Variants in SUCO observed in about 807,000 individuals in gnomAD.
SUCO encodes SUN domain-containing ossification factor.
SUCO carries 57 observed loss-of-function variants against 148.1 expected under a neutral mutation model. That is an observed-to-expected ratio of 0.38 (90% CI 0.31 to 0.48). The LOEUF is 0.48. Ranked by LOEUF, SUCO falls within the 20% of genes least tolerant of loss-of-function variation. The probability of loss-of-function intolerance (pLI) is 0.96; values close to 1 mark genes in which losing one functional copy is unlikely to be tolerated. For synonymous variants in SUCO, 470 were observed against 502.7 expected, an observed-to-expected ratio of 0.93 and a Z score of 0.87; for missense variants, 1,331 against 1,468.2, an observed-to-expected ratio of 0.91 and a Z score of 1.53.
At chr1:172,565,065 A>ATCTGTTCTGT (rs60994408) in intron 6 of SUCO, among the ~76,000 whole-genome samples, 2 of 151,932 alleles carry the variant, frequency 1.3e-5, no homozygotes, top group African/African-American at 4.8e-5. Context: ...TTCTGTTCTG[A>ATCTGTTCTGT]TCTGTTCTGT....
rs115183843 is a variant in SUCO, at chr1:172,589,256, G to A, written c.2155G>A (p.Val719Ile). The change falls in exon 18 of 24, where the codon GTT becomes ATT. Residue 719 changes from valine to isoleucine, a missense_variant. Transcript: ENST00000263688. ...CTTGGTGAATCACACTGTAGATGCA[G>A]TTGAACTTGAACCAAGCCATTCTCA... ...DDLVNHTVDA[V>I]ELEPSHSQTL... The A allele has an allele frequency of 6.2e-7, 1 of 1,613,908 alleles. No homozygotes were observed. The highest frequency in any genetic ancestry group is 2.2e-5 in the East Asian group (1 of 44,876).
At chr1:172,585,120 T>C (rs746107521) in intron 16 of SUCO, 34 bp downstream of exon 16, 3 of 1,482,028 alleles carry the variant, frequency 2.0e-6, no homozygotes, top group Non-Finnish European at 2.8e-6. Flanking sequence ...TTTAAATAGC[T>C]GGTACTCCAG....
At chr1:172,541,591 G>A (rs531829543) in intron 1 of SUCO, among the ~76,000 whole-genome samples, 1 of 152,220 alleles carries the variant, frequency 6.6e-6, no homozygotes, top group Non-Finnish European at 1.5e-5. Flanking sequence ...TTTGTGAAAG[G>A]TTGGCAAGCT....
At chr1:172,551,358 G>C (rs527522688) in intron 1 of SUCO, among the ~76,000 whole-genome samples, 154 bp from the exon 2 acceptor site, 1 of 152,070 alleles carries the variant, frequency 6.6e-6, no homozygotes, top group East Asian at 1.9e-4. Flanking sequence ...ATTGATTTTC[G>C]TCATTAAATT....
In SUCO at chr1:172,608,817, C is replaced by G. The variant is rs377609751; in HGVS notation, c.3321+15C>G. On this transcript the variant is annotated intron_variant, in intron 23 of 23. Transcript: ENST00000263688. Reference sequence around the variant, plus strand: ...CAGAAAAGAAGGTAATTGTTTATTTCTTTTTAAGTTTATTGCTATGTTTTG... The same window carrying G: ...CAGAAAAGAAGGTAATTGTTTATTTGTTTTTAAGTTTATTGCTATGTTTTG... 216 of 1,506,698 alleles carry G rather than the reference C, an allele frequency of 1.4e-4. No individual in the cohort carries two copies. Among genetic ancestry groups the G allele is most frequent in the Non-Finnish European group, 1.9e-4 (213 of 1,095,788 alleles). 93.3% of individuals were successfully genotyped at this position (1,506,698 alleles called of 1,614,324 possible). A position where few individuals can be genotyped will look rare whatever the true frequency, so the allele number is the denominator to read the frequency against.
intron 19 of SUCO, among the ~76,000 whole-genome samples, chr1:172,598,347 C>G (rs937531958): frequency 6.6e-6 from 1 of 152,092 alleles, no homozygotes; most frequent in African/African-American, 2.4e-5. Context: ...TTTGTTGTAG[C>G]TTTATATTAA....
rs1656201406 is a variant in SUCO, at chr1:172,585,886, TG to T, written c.1597del (p.Ala533ProfsTer23). 1 of 1,610,216 alleles carries T rather than the reference TG, an allele frequency of 6.2e-7. No homozygotes were observed. Among genetic ancestry groups the T allele is most frequent in the Non-Finnish European group, 8.5e-7 (1 of 1,178,244 alleles). ...GNKSISENAT[A>X]TAAPKMPEST... ...ATAAAAGTATATCTGAGAATGCCAC[TG>T]CCACAGCTGCACCTAAAATGCCTGA... On this transcript the variant is annotated frameshift_variant, in exon 17 of 24. Transcript: ENST00000263688. LOFTEE classifies it high-confidence loss of function.
intron 6 of SUCO, among the ~76,000 whole-genome samples, chr1:172,563,660 T>C (rs1654341911): frequency 6.6e-6 from 1 of 152,182 alleles, no homozygotes; most frequent in African/African-American, 2.4e-5. Context: ...AAGCAGAGTA[T>C]AAAAGTTTGG....
At chr1:172,554,606 G>A (rs1558178720) in intron 3 of SUCO, among the ~76,000 whole-genome samples, 2 of 151,946 alleles carry the variant, frequency 1.3e-5, no homozygotes, top group African/African-American at 4.8e-5. Context: ...GTGTGGTGGT[G>A]CACGCCTATA....
At chr1:172,571,108 G>A (rs1254956584) in intron 9 of SUCO, among the ~76,000 whole-genome samples, 1 of 152,252 alleles carries the variant, frequency 6.6e-6, no homozygotes, top group African/African-American at 2.4e-5. Flanking sequence ...TTCAGGAACT[G>A]TAAGAATAAG....
rs1283598016 is a variant in SUCO, at chr1:172,557,809, T to A, written c.732+15T>A. 6.4e-7 allele frequency: 1 copy of A among 1,568,464 alleles called. No homozygotes were observed. The highest frequency in any genetic ancestry group is 1.4e-5 in the African/African-American group (1 of 72,782). ...TAAAAAATGAGGTAGGTATATAACT[T>A]GCACTATCTCTTACTTCTTTATGTA... On this transcript the variant is annotated intron_variant, in intron 6 of 23. Transcript: ENST00000263688.
At chr1:172,543,156 A>C (rs571504915) in intron 1 of SUCO, 1 of 289,656 alleles carries the variant, frequency 3.5e-6, no homozygotes, top group East Asian at 1.7e-4. Flanking sequence ...CCCCTGATGA[A>C]ATATCTTTCA....
chr1:172,584,959 T>A lies in SUCO; in HGVS notation c.1499-59T>A, dbSNP rs1656136623. 4 of 1,107,916 alleles carry A rather than the reference T, an allele frequency of 3.6e-6. No individual in the cohort carries two copies. The South Asian group carries it at 4.4e-5, about 12-fold the overall frequency. 68.6% of individuals were successfully genotyped at this position (1,107,916 alleles called of 1,614,324 possible). The stretch of plus-strand genomic sequence containing the variant: ...TAAATGATTTTTTGACTATCTGATA[T>A]TAATTTATATTAGAATATTTAGGTA... On this transcript the variant is annotated intron_variant, in intron 15 of 23. Transcript: ENST00000263688.
chr1:172,604,621 G>A (rs534556148), intron 22 of SUCO, among the ~76,000 whole-genome samples: 3 of 151,702 alleles, frequency 2.0e-5, no homozygotes, highest in Non-Finnish European at 3.0e-5. Flanking sequence ...CAGATCTTCC[G>A]AATGTTTTCG....
At chr1:172,578,156 T>C in intron 13 of SUCO, 142 bp from the exon 14 acceptor site, 2 of 655,714 alleles carry the variant, frequency 3.1e-6, no homozygotes, top group Non-Finnish European at 5.4e-6. Flanking sequence ...GACTTAAATG[T>C]AAGGAGCAGC....
In SUCO at chr1:172,585,806, A is replaced by G. The variant is rs1656196829; in HGVS notation, c.1568-52A>G. 28 of 1,242,382 alleles carry G rather than the reference A, an allele frequency of 2.3e-5. 1 individual carries two copies. The Middle Eastern group carries it at 7.9e-4, about 35-fold the overall frequency. 77.0% of individuals were successfully genotyped at this position (1,242,382 alleles called of 1,614,324 possible). On this transcript the variant is annotated intron_variant, in intron 16 of 23. Transcript: ENST00000263688. ...AAATTTGTTTTAGTAAAATATTTTC[A>G]TGGTACAGCTTTTAAAATTGAACTC... is the stretch of plus-strand genomic sequence containing the variant.
At chr1:172,544,160 G>C in intron 1 of SUCO, 2 of 979,868 alleles carry the variant, frequency 2.0e-6, no homozygotes, top group South Asian at 9.5e-5. Context: ...CGCTAATTGA[G>C]TGGCTGGCAC....
intron 17 of SUCO, among the ~76,000 whole-genome samples, chr1:172,587,066 G>T (rs1656294166): frequency 6.7e-6 from 1 of 149,814 alleles, no homozygotes. Context: ...AACTGATTTG[G>T]TTTTTTATAT....
At chr1:172,591,139 TA>T in intron 19 of SUCO, 68 bp downstream of exon 19, 2 of 1,194,884 alleles carry the variant, frequency 1.7e-6, no homozygotes, top group Non-Finnish European at 2.4e-6. Flanking sequence ...GTCTCACTGG[TA>T]AACAGTAAGT....
Sources: allele counts gnomAD v4.1 joint callset (sites outside exome capture counted in the v4.1 genomes callset), GRCh38; gene constraint gnomAD v4.1.1; transcripts MANE v1.5; gene names NCBI Gene and HGNC (gene_info 2026-07-23, HGNC 2026-07-21).